ZNF385D: variants seen among roughly 807,000 people sequenced by gnomAD.
The protein encoded by ZNF385D is zinc finger protein 385D, also known as zinc finger protein 659.
In ZNF385D, 15 loss-of-function variants were observed where a neutral mutation model predicts 35.8. The observed-to-expected ratio is 0.42, with a 90% CI of 0.28 to 0.64. The LOEUF (loss-of-function observed/expected upper bound fraction) is 0.64, where lower values mean the gene tolerates loss of function less well. Among genes scored for constraint, ZNF385D ranks in the 30% least tolerant of loss-of-function variants. The pLI, the probability that ZNF385D is intolerant of heterozygous loss-of-function variation, is 0.23. For synonymous variants in ZNF385D, 212 were observed against 186.8 expected, an observed-to-expected ratio of 1.13 and a Z score of -1.10; for missense variants, 474 against 494.6, an observed-to-expected ratio of 0.96 and a Z score of 0.39.
At chr3:21,800,265 T>A (rs1197558496) in intron 3 of ZNF385D, among the ~76,000 whole-genome samples, 1 of 152,212 alleles carries the variant, frequency 6.6e-6, no homozygotes, top group Non-Finnish European at 1.5e-5. Flanking sequence ...ATCTATGTGT[T>A]CATTTACACA....
chr3:22,102,133 T>A (rs1395178072), intron 3 of ZNF385D, among the ~76,000 whole-genome samples: 1 of 151,932 alleles, frequency 6.6e-6, no homozygotes. Context: ...GGATTGACAA[T>A]GAAGACAGAG....
At chr3:22,106,829 G>A (rs1263853858) in intron 3 of ZNF385D, among the ~76,000 whole-genome samples, 1 of 152,090 alleles carries the variant, frequency 6.6e-6, no homozygotes, top group Non-Finnish European at 1.5e-5. Flanking sequence ...GCATAGGTTA[G>A]ACTATCAACC....
intron 3 of ZNF385D, among the ~76,000 whole-genome samples, chr3:21,793,218 G>A (rs1307401966): frequency 2.0e-5 from 3 of 152,204 alleles, no homozygotes; most frequent in Admixed American, 1.3e-4. Flanking sequence ...CTAGCCATGA[G>A]AGCCACTGAA....
chr3:22,038,459 T>C (rs1030364593), intron 3 of ZNF385D, among the ~76,000 whole-genome samples: 5 of 152,126 alleles, frequency 3.3e-5, no homozygotes, highest in African/African-American at 4.8e-5. Flanking sequence ...AATTAAATGA[T>C]ATATGCAATA....
chr3:21,585,790 C>T (rs2063792238), intron 2 of ZNF385D, among the ~76,000 whole-genome samples: 1 of 152,112 alleles, frequency 6.6e-6, no homozygotes, highest in Admixed American at 6.6e-5. Context: ...CAAAGGAATA[C>T]ATTAAAGACA....
intron 2 of ZNF385D, among the ~76,000 whole-genome samples, chr3:21,618,390 G>A (rs1236030227): frequency 6.6e-6 from 1 of 152,148 alleles, no homozygotes; most frequent in Non-Finnish European, 1.5e-5. Context: ...AAGGATTCTT[G>A]TCTAAAGCCT....
At chr3:21,543,736 C>A (rs548345921) in intron 3 of ZNF385D, among the ~76,000 whole-genome samples, 2 of 152,278 alleles carry the variant, frequency 1.3e-5, no homozygotes, top group East Asian at 1.9e-4. Flanking sequence ...TTTAAAGTTT[C>A]TTTTTTTCTT....
At chr3:22,346,481 T>C (rs1252937175) in intron 2 of ZNF385D, among the ~76,000 whole-genome samples, 1 of 152,246 alleles carries the variant, frequency 6.6e-6, no homozygotes, top group Non-Finnish European at 1.5e-5. Flanking sequence ...TATTCACTAT[T>C]TCATTTTATC....
rs528657529 is a variant in ZNF385D at position 22,203,315 on chromosome 3, G to C, written c.107-34280C>G. Among the ~76,000 whole-genome samples the C allele has an allele frequency of 5.3e-5, 8 of 152,186 alleles. No homozygotes were observed. In the South Asian group the frequency reaches 1.7e-3, roughly 32 times the overall value. ...CAGAAGGGAATATGCTGCCTGAAGGGGAGAACCCAGTCCTAGCAGGATTTA... is the reference window on the plus strand; with the variant it reads ...CAGAAGGGAATATGCTGCCTGAAGGCGAGAACCCAGTCCTAGCAGGATTTA... On this transcript the variant is annotated intron_variant, in intron 2 of 5. Transcript: ENST00000494108.
At chr3:21,630,543 T>G (rs2065252072) in intron 2 of ZNF385D, among the ~76,000 whole-genome samples, 1 of 152,032 alleles carries the variant, frequency 6.6e-6, no homozygotes, top group Non-Finnish European at 1.5e-5. Flanking sequence ...TAACTGCACT[T>G]CTGAAACACC....
intron 3 of ZNF385D, among the ~76,000 whole-genome samples, chr3:22,083,729 G>A (rs1017147380): frequency 1.3e-5 from 2 of 152,028 alleles, no homozygotes; most frequent in South Asian, 2.1e-4. Context: ...GAAATACAGA[G>A]AACACCACAA....
chr3:21,697,831 G>A (rs570233632), intron 1 of ZNF385D, among the ~76,000 whole-genome samples: 1 of 152,054 alleles, frequency 6.6e-6, no homozygotes, highest in African/African-American at 2.4e-5. Flanking sequence ...AAAGCGACCT[G>A]AAAACATATG....
rs184814457 is a variant in ZNF385D at position 21,957,984 on chromosome 3, A to G, written c.325+210833T>C. On this transcript the variant is annotated intron_variant, in intron 3 of 5. Transcript: ENST00000494108. ...TTGAAACAAATGTATTCACATCAGC[A>G]CCCTGCTTCTCAAGATCACCGCCAG... 3.3e-5 allele frequency among the ~76,000 whole-genome samples: 5 copies of G among 152,078 alleles called. No homozygotes were observed. In the East Asian group the frequency reaches 9.7e-4, roughly 29 times the overall value.
At chr3:21,952,971 T>G (rs2125301788) in intron 3 of ZNF385D, among the ~76,000 whole-genome samples, 1 of 152,116 alleles carries the variant, frequency 6.6e-6, no homozygotes, top group African/African-American at 2.4e-5. Flanking sequence ...TTAAATACTT[T>G]CTATTCTTCT....
chr3:22,355,652 C>G (rs754638207), intron 2 of ZNF385D, among the ~76,000 whole-genome samples: 25 of 151,790 alleles, frequency 1.6e-4, no homozygotes, highest in Non-Finnish European at 2.7e-4. Context: ...AAGAAAAGAT[C>G]CTCTGTTAAA....
intron 3 of ZNF385D, among the ~76,000 whole-genome samples, chr3:21,859,822 C>G (rs1477433997): frequency 2.0e-5 from 3 of 152,008 alleles, no homozygotes; most frequent in African/African-American, 7.2e-5. Context: ...AAACGTGGCA[C>G]TTTCCATTTG....
At chr3:22,190,267 CATG>C (rs1695925951) in intron 2 of ZNF385D, among the ~76,000 whole-genome samples, 1 of 152,080 alleles carries the variant, frequency 6.6e-6, no homozygotes, top group Non-Finnish European at 1.5e-5. Context: ...ACATTCTGTC[CATG>C]ATATGGTATA....
intron 3 of ZNF385D, among the ~76,000 whole-genome samples, chr3:22,011,055 T>C (rs1488106100): frequency 1.3e-5 from 2 of 152,164 alleles, no homozygotes; most frequent in South Asian, 2.1e-4. Context: ...ACATGATACA[T>C]GGATTTCTAC....
chr3:21,953,398 T>G (rs539873563), intron 3 of ZNF385D, among the ~76,000 whole-genome samples: 1 of 152,178 alleles, frequency 6.6e-6, no homozygotes, highest in African/African-American at 2.4e-5. Context: ...CATTATATCA[T>G]TCTCCTTTGA....
Sources: allele counts gnomAD v4.1 joint callset (sites outside exome capture counted in the v4.1 genomes callset), GRCh38; gene constraint gnomAD v4.1.1; transcripts MANE v1.5; gene names NCBI Gene and HGNC (gene_info 2026-07-23, HGNC 2026-07-21).